Variants in TBC1D19 observed in about 807,000 individuals in gnomAD.
The protein encoded by TBC1D19 is TBC1 domain family member 19.
Under a neutral mutation model 89.0 loss-of-function variants are expected in TBC1D19, and 60 were observed. That is an observed-to-expected ratio of 0.67 (90% CI 0.55 to 0.84). The LOEUF (loss-of-function observed/expected upper bound fraction) is 0.84. Among genes scored for constraint, TBC1D19 ranks in the 40% least tolerant of loss-of-function variants. The pLI, the probability that TBC1D19 is intolerant of heterozygous loss-of-function variation, is 0.00. For synonymous variants in TBC1D19, 189 were observed against 199.7 expected (o/e 0.95, Z 0.45); for missense variants, 500 against 610.8 (o/e 0.82, Z 1.91).
intron 4 of TBC1D19, among the ~76,000 whole-genome samples, chr4:26,626,422 G>A (rs1424853813): frequency 6.6e-6 from 1 of 152,078 alleles, no homozygotes; most frequent in Non-Finnish European, 1.5e-5. Flanking sequence ...ATCCCTAATT[G>A]TATCCTAGGT....
chr4:26,748,650 A>G, intron 19 of TBC1D19, 124 bp downstream of exon 19: 1 of 718,326 alleles, frequency 1.4e-6, no homozygotes, highest in South Asian at 1.9e-5. Flanking sequence ...CAATTAATAG[A>G]TATATCTGGC....
At chr4:26,610,894 T>G (rs1741339317) in intron 1 of TBC1D19, among the ~76,000 whole-genome samples, 1 of 152,188 alleles carries the variant, frequency 6.6e-6, no homozygotes, top group East Asian at 1.9e-4. Context: ...TTGTGAATAG[T>G]GCTGCAATGA....
the TBC1D19 span, among the ~76,000 whole-genome samples, chr4:26,849,486 C>T: frequency 6.6e-6 from 1 of 152,118 alleles, no homozygotes; most frequent in Non-Finnish European, 1.5e-5. Flanking sequence ...GAAATCTTCC[C>T]TAGTGCCCCA....
chr4:26,826,234 C>G, the TBC1D19 span, among the ~76,000 whole-genome samples: 2 of 152,012 alleles, frequency 1.3e-5, no homozygotes, highest in Non-Finnish European at 2.9e-5. Context: ...ATTCAAAGAT[C>G]ATATTTTTGT....
At position 26,640,161 on chromosome 4, in the gene TBC1D19, G is replaced by A. The variant is rs934596895; in HGVS notation, c.454G>A (p.Val152Ile). 1.9e-6 allele frequency: 3 copies of A among 1,609,476 alleles called. No homozygotes were observed. In the African/African-American group the frequency reaches 4.0e-5, roughly 22 times the overall value. Residue 152 changes from valine to isoleucine, a missense_variant, in exon 7 of 21, where the codon GTT becomes ATT. Physicochemically the swap from Val to Ile is conservative, Grantham distance 29. Transcript: ENST00000264866. ...DEPDLSLFRP[V>I]YAPKDFLEVL... is the part of the protein sequence containing the mutation. ...TCTAGATTTAAGCCTTTTCAGACCT[G>A]TTTATGCACCTAAGGATTTTCTTGA...
the TBC1D19 span, among the ~76,000 whole-genome samples, chr4:26,783,000 A>G: frequency 1.3e-5 from 2 of 152,258 alleles, no homozygotes; most frequent in Admixed American, 6.5e-5. Context: ...CCTAAAGAAC[A>G]TAGGTACTTA....
intron 1 of TBC1D19, among the ~76,000 whole-genome samples, chr4:26,606,667 A>T (rs1022004125): frequency 6.6e-5 from 10 of 152,196 alleles, no homozygotes; most frequent in African/African-American, 2.4e-4. Context: ...TTTGGAGAGG[A>T]TAATCAAGCA....
intron 7 of TBC1D19, among the ~76,000 whole-genome samples, chr4:26,641,582 C>T (rs779784220): frequency 7.9e-5 from 12 of 152,158 alleles, no homozygotes; most frequent in Non-Finnish European, 1.2e-4. Context: ...ATGACTTTGA[C>T]GAGCTGACAG....
At chr4:26,653,803 C>G (rs959818785) in intron 7 of TBC1D19, among the ~76,000 whole-genome samples, 2 of 152,172 alleles carry the variant, frequency 1.3e-5, no homozygotes, top group African/African-American at 2.4e-5. Flanking sequence ...ATACAGCACA[C>G]TGATGGGTCT....
chr4:26,817,837 G>A, the TBC1D19 span, among the ~76,000 whole-genome samples: 10 of 151,702 alleles, frequency 6.6e-5, no homozygotes, highest in Non-Finnish European at 2.9e-5. Flanking sequence ...GCGTGGTGGT[G>A]CGTGCCTATA....
chr4:26,601,331 A>G lies in TBC1D19; in HGVS notation c.100-11838A>G, dbSNP rs1239697902. ...TTATTTCACTTAGCTTGATGGCTTCAAAGTTCATTCATGTTGTAGTGTGTG... is the reference window on the plus strand; with the variant it reads ...TTATTTCACTTAGCTTGATGGCTTCGAAGTTCATTCATGTTGTAGTGTGTG... On this transcript the variant is annotated intron_variant, in intron 1 of 20. Coordinates refer to ENST00000264866, the MANE Select transcript of TBC1D19 (RefSeq NM_018317.4). 2.0e-5 allele frequency among the ~76,000 whole-genome samples: 3 copies of G among 152,210 alleles called. No homozygotes were observed. The East Asian group carries it at 5.8e-4, about 29-fold the overall frequency.
In TBC1D19 at chr4:26,608,216, G is replaced by A. The variant is rs559258207; in HGVS notation, c.100-4953G>A. Among the ~76,000 whole-genome samples, 5 of 152,182 alleles carry A rather than the reference G, an allele frequency of 3.3e-5. 1 individual carries two copies. The South Asian group carries it at 1.0e-3, about 32-fold the overall frequency. ...TTTGGGAGTGTGCTGAGATGACCAGGAAATCTATTAAAAATGCAAACATGT... is the reference window on the plus strand; with the variant it reads ...TTTGGGAGTGTGCTGAGATGACCAGAAAATCTATTAAAAATGCAAACATGT... On this transcript the variant is annotated intron_variant, in intron 1 of 20. Transcript: ENST00000264866.
chr4:26,819,298 G>A, the TBC1D19 span, among the ~76,000 whole-genome samples: 2 of 152,194 alleles, frequency 1.3e-5, no homozygotes, highest in African/African-American at 4.8e-5. Context: ...AAGGTAGGAC[G>A]TCCCCTGGTG....
chr4:26,790,782 T>C, the TBC1D19 span, among the ~76,000 whole-genome samples: 1 of 152,230 alleles, frequency 6.6e-6, no homozygotes, highest in Non-Finnish European at 1.5e-5. Context: ...TCTGTCACTT[T>C]CCTCAAAGAG....
intron 4 of TBC1D19, among the ~76,000 whole-genome samples, chr4:26,630,190 T>C (rs1742722664): frequency 6.6e-6 from 1 of 151,944 alleles, no homozygotes; most frequent in Middle Eastern, 3.4e-3. Flanking sequence ...TTGCTTCTCA[T>C]ACTTAGAAAT....
chr4:26,727,690 A>G (rs1458645465), intron 15 of TBC1D19, among the ~76,000 whole-genome samples: 1 of 152,224 alleles, frequency 6.6e-6, no homozygotes, highest in Non-Finnish European at 1.5e-5. Context: ...ACAGGATTCA[A>G]ATTCATGTCT....
At chr4:26,830,392 T>C in the TBC1D19 span, among the ~76,000 whole-genome samples, 1 of 152,090 alleles carries the variant, frequency 6.6e-6, no homozygotes, top group Non-Finnish European at 1.5e-5. Context: ...GCAGACTTGA[T>C]GTTCCTGCAA....
intron 1 of TBC1D19, among the ~76,000 whole-genome samples, chr4:26,601,835 CA>C (rs2109983853): frequency 6.6e-6 from 1 of 152,252 alleles, no homozygotes; most frequent in East Asian, 1.9e-4. Flanking sequence ...TAACATTGTA[CA>C]AAACCATTTT....
intron 10 of TBC1D19, among the ~76,000 whole-genome samples, chr4:26,673,277 C>T (rs1712473327): frequency 6.6e-6 from 1 of 151,390 alleles, no homozygotes; most frequent in Non-Finnish European, 1.5e-5. Context: ...AGCTAACATT[C>T]TTATATATTG....
Sources: allele counts gnomAD v4.1 joint callset (sites outside exome capture counted in the v4.1 genomes callset), GRCh38; gene constraint gnomAD v4.1.1; transcripts MANE v1.5; gene names NCBI Gene and HGNC (gene_info 2026-07-23, HGNC 2026-07-21).